TENM1: variants seen among roughly 807,000 people sequenced by gnomAD.
TENM1 encodes the protein teneurin-1.
A neutral mutation model predicts 174.8 loss-of-function variants in TENM1; 35 were observed. The observed-to-expected ratio is 0.20, with a 90% CI of 0.15 to 0.27. The LOEUF (loss-of-function observed/expected upper bound fraction) is 0.27, where lower values mean the gene tolerates loss of function less well. Ranked by LOEUF, TENM1 falls within the 10% of genes least tolerant of loss-of-function variation. The pLI is 1.00. For missense variants in TENM1, 1,633 were observed against 2,130.1 expected (o/e 0.77, Z 4.59); for synonymous variants, 781 against 798.7 (o/e 0.98, Z 0.37).
chrX:125,087,529 A>G, the TENM1 span, among the ~76,000 whole-genome samples: 1 of 111,334 alleles, frequency 9.0e-6, no homozygotes, highest in Non-Finnish European at 1.9e-5. Context: ...AGACTCATTA[A>G]TAAGCTTTGT....
At chrX:124,757,543 C>T (rs754809497) in intron 3 of TENM1, among the ~76,000 whole-genome samples, 4 of 112,542 alleles carry the variant, frequency 3.6e-5, no homozygotes, top group South Asian at 3.7e-4. Flanking sequence ...GAGATGAACC[C>T]GGTACCTCTG....
At chrX:124,478,286 G>A (rs1183099767) in intron 22 of TENM1, among the ~76,000 whole-genome samples, 2 of 112,392 alleles carry the variant, frequency 1.8e-5, no homozygotes, top group Non-Finnish European at 3.8e-5. Context: ...GGCATTACAT[G>A]TATTGAAAAA....
At chrX:124,496,957 A>G (rs2047214971) in intron 20 of TENM1, 59 bp downstream of exon 23, 3 of 1,146,029 alleles carry the variant, frequency 2.6e-6, no homozygotes, top group Non-Finnish European at 3.5e-6. Flanking sequence ...GTCTTTTCAT[A>G]TTATCTTGCT....
chrX:124,505,705 T>C lies in TENM1; in HGVS notation c.3302-2002A>G, dbSNP rs913335404. ...CGCTTTTGGGTCAGGGAGCACTTTG[T>C]TGTGAGTCTAATTAAAGTTATGGAC... On this transcript the variant is annotated intron_variant, in intron 18 of 31. Transcript: ENST00000422452. Among the ~76,000 whole-genome samples the C allele has an allele frequency of 9.9e-5, 11 of 111,419 alleles. No individual in the cohort carries two copies. The East Asian group carries it at 3.1e-3, about 32-fold the overall frequency.
chrX:124,686,635 T>A (rs1483740331), intron 5 of TENM1, among the ~76,000 whole-genome samples: 1 of 112,104 alleles, frequency 8.9e-6, no homozygotes, highest in African/African-American at 3.2e-5. Context: ...TCAATAAATG[T>A]AATCCATCAC....
At chrX:124,727,979 T>C (rs1296300898) in intron 4 of TENM1, among the ~76,000 whole-genome samples, 1 of 111,407 alleles carries the variant, frequency 9.0e-6, no homozygotes, top group Non-Finnish European at 1.9e-5. Context: ...TTTTTTATGT[T>C]TTAAACATTT....
chrX:124,745,752 GACA>G (rs1170326804), intron 3 of TENM1, among the ~76,000 whole-genome samples: 3 of 110,955 alleles, frequency 2.7e-5, no homozygotes, highest in Non-Finnish European at 5.7e-5. Context: ...CCCTCTGAAC[GACA>G]ACAACAAAAA....
chrX:124,873,019 T>C (rs1208047141), intron 3 of TENM1, among the ~76,000 whole-genome samples: 1 of 111,771 alleles, frequency 8.9e-6, no homozygotes, highest in Non-Finnish European at 1.9e-5. Context: ...AAAGAAATTT[T>C]AAATTTCTAT....
Position 124,931,819 on chromosome X carries a change from G to A in TENM1, c.217+31718C>T, listed in dbSNP as rs777321104. 2.7e-5 allele frequency among the ~76,000 whole-genome samples: 3 copies of A among 109,836 alleles called. No homozygotes were observed. In the South Asian group the frequency reaches 1.2e-3, roughly 44 times the overall value. The stretch of plus-strand genomic sequence containing the variant: ...ATCTGAGGTGGCATGAAGCCTACTG[G>A]GACTGGTAAGGTAGACAGAGATTGT... On this transcript the variant is annotated intron_variant, in intron 1 of 31. Transcript: ENST00000422452.
At chrX:124,461,755 A>G (rs954049946) in intron 22 of TENM1, among the ~76,000 whole-genome samples, 3 of 111,258 alleles carry the variant, frequency 2.7e-5, no homozygotes, top group African/African-American at 9.8e-5. Flanking sequence ...AGAGAGGTAT[A>G]TTTATACCCA....
chrX:124,814,892 C>G (rs2055864203), intron 3 of TENM1, among the ~76,000 whole-genome samples: 1 of 111,811 alleles, frequency 8.9e-6, no homozygotes, highest in African/African-American at 3.3e-5. Context: ...TTTGTGGTAA[C>G]TAAGTCCTAA....
intron 11 of TENM1, among the ~76,000 whole-genome samples, chrX:124,567,327 T>C (rs2048964065): frequency 1.8e-5 from 2 of 110,768 alleles, no homozygotes; most frequent in South Asian, 3.9e-4. Flanking sequence ...AAAGATCAGG[T>C]AGAAAAAAAG....
At chrX:125,190,524 A>C in the TENM1 span, among the ~76,000 whole-genome samples, 1 of 111,622 alleles carries the variant, frequency 9.0e-6, no homozygotes, top group African/African-American at 3.3e-5. Flanking sequence ...TTGGTTCTCT[A>C]GTGAGTGAAG....
At chrX:124,963,639 A>G in exon 1 of TENM1, 1 of 1,211,291 alleles carries the variant, frequency 8.3e-7, no homozygotes, top group Admixed American at 2.2e-5. Context: ...GAGTTGTATG[A>G]CTGTCTTGGT....
At chrX:125,143,274 T>G in the TENM1 span, among the ~76,000 whole-genome samples, 1 of 111,958 alleles carries the variant, frequency 8.9e-6, no homozygotes, top group Admixed American at 9.5e-5. Flanking sequence ...AATATATTTT[T>G]TATTCAGCCT....
intron 5 of TENM1, among the ~76,000 whole-genome samples, chrX:124,702,133 G>A (rs1296905754): frequency 2.7e-5 from 3 of 111,951 alleles, no homozygotes; most frequent in South Asian, 3.7e-4. Flanking sequence ...AGCAATAGTC[G>A]AGAATGAAAT....
intron 11 of TENM1, among the ~76,000 whole-genome samples, chrX:124,625,923 T>C (rs1320482768): frequency 9.0e-6 from 1 of 111,332 alleles, no homozygotes; most frequent in East Asian, 2.8e-4. Context: ...ATCCAACCCA[T>C]ATCAGTGAGG....
intron 11 of TENM1, among the ~76,000 whole-genome samples, chrX:124,623,763 T>C (rs1200800230): frequency 1.8e-5 from 2 of 111,885 alleles, no homozygotes; most frequent in Non-Finnish European, 3.8e-5. Context: ...TTTTGATTAC[T>C]TTATTCTCTC....
the TENM1 span, among the ~76,000 whole-genome samples, chrX:125,026,483 C>T: frequency 1.8e-5 from 2 of 111,341 alleles, no homozygotes; most frequent in Non-Finnish European, 3.8e-5. Context: ...AGAAATAAAC[C>T]CCTGTCTATA....
Sources: gnomAD v4.1 joint callset for allele counts (sites outside exome capture counted in the v4.1 genomes callset) on GRCh38, gnomAD v4.1.1 for gene constraint, MANE v1.5 for transcripts, NCBI Gene and HGNC (gene_info 2026-07-23, HGNC 2026-07-21) for gene names.